MID1: variants seen among roughly 807,000 people sequenced by gnomAD.
MID1 encodes E3 ubiquitin-protein ligase Midline-1.
MID1 carries 7 observed loss-of-function variants against 40.4 expected under a neutral mutation model. The observed-to-expected ratio is 0.17, with a 90% confidence interval of 0.10 to 0.33. MID1 has a LOEUF of 0.33. MID1 is among the 10% of genes least tolerant of loss of function. MID1 has a pLI of 1.00. For missense variants in MID1, 367 were observed against 558.5 expected (o/e 0.66, Z 3.46); for synonymous variants, 229 against 221.2 (o/e 1.04, Z -0.31).
At chrX:10,770,413 C>G (rs2043757866) in intron 1 of MID1, among the ~76,000 whole-genome samples, 1 of 112,042 alleles carries the variant, frequency 8.9e-6, no homozygotes, top group African/African-American at 3.2e-5. Flanking sequence ...TGGGAGGGGA[C>G]TGAGGTCATT....
At chrX:10,619,551 T>C (rs1013697361) in intron 1 of MID1, among the ~76,000 whole-genome samples, 4 of 112,889 alleles carry the variant, frequency 3.5e-5, no homozygotes, top group African/African-American at 1.3e-4. Flanking sequence ...CACTTTTTCT[T>C]TCCTTTTCTT....
At chrX:10,720,761 C>T (rs369693013) in intron 1 of MID1, among the ~76,000 whole-genome samples, 139 of 110,046 alleles carry the variant, frequency 1.3e-3, no homozygotes, top group Middle Eastern at 4.7e-3. Flanking sequence ...ATGTTTATTG[C>T]GGCACTATTC....
chrX:10,469,645 A>C, intron 7 of MID1, 52 bp downstream of exon 7: 1 of 1,210,752 alleles, frequency 8.3e-7, no homozygotes, highest in Non-Finnish European at 1.1e-6. Flanking sequence ...GAATGCAATC[A>C]ATCTGAAGAA....
At chrX:10,491,765 G>A (rs1243345890) in intron 4 of MID1, among the ~76,000 whole-genome samples, 1 of 111,767 alleles carries the variant, frequency 8.9e-6, no homozygotes, top group Non-Finnish European at 1.9e-5. Flanking sequence ...ACAGTGTGTG[G>A]TCTTAGAGGC....
Position 10,459,742 on chromosome X carries a change from G to A in MID1, c.1351C>T (p.His451Tyr). 1 of 1,210,631 alleles carries A rather than the reference G, an allele frequency of 8.3e-7. No homozygotes were observed. Among genetic ancestry groups the A allele is most frequent in the Non-Finnish European group, 1.1e-6 (1 of 894,678 alleles). Residue 451 changes from histidine (H) to tyrosine (Y), a missense_variant, in exon 8 of 10, where the codon CAC becomes TAC. Physicochemically the swap from His to Tyr is moderately conservative, Grantham distance 83. Around this residue, in one of 3 missense-constraint regions of MID1, gnomAD observed 275 missense variants for 383.1 expected, o/e 0.72. Coordinates refer to ENST00000317552, the MANE Select transcript of MID1 (RefSeq NM_000381.4). ...PNIKQNHYTV[H>Y]GLQSGTKYIF... The stretch of plus-strand genomic sequence containing the variant: ...TACTTGGTGCCGCTCTGCAGACCGT[G>A]CACCGTGTAGTGGTTCTGCTTGATG...
At chrX:10,644,656 G>T (rs1936243083) in intron 1 of MID1, among the ~76,000 whole-genome samples, 1 of 111,151 alleles carries the variant, frequency 9.0e-6, no homozygotes, top group African/African-American at 3.3e-5. Context: ...TGAATTCTCT[G>T]GACTTGATCA....
intron 1 of MID1, among the ~76,000 whole-genome samples, chrX:10,764,088 T>G (rs1416436461): frequency 8.9e-6 from 1 of 112,240 alleles, no homozygotes. Context: ...ATGGGTAGAT[T>G]GTAAACATTT....
intron 1 of MID1, among the ~76,000 whole-genome samples, chrX:10,605,742 T>G (rs971604844): frequency 2.7e-5 from 3 of 112,138 alleles, no homozygotes; most frequent in Admixed American, 1.9e-4. Context: ...CATTTCAGTG[T>G]ATTCTTTCTT....
chrX:10,556,168 A>G (rs1431163402), intron 2 of MID1, among the ~76,000 whole-genome samples: 1 of 111,274 alleles, frequency 9.0e-6, no homozygotes, highest in East Asian at 2.8e-4. Flanking sequence ...CATGTCACCC[A>G]TCTTTTCCTC....
chrX:10,649,100 T>C (rs1936291168), intron 1 of MID1, among the ~76,000 whole-genome samples: 1 of 111,926 alleles, frequency 8.9e-6, no homozygotes, highest in East Asian at 2.8e-4. Flanking sequence ...TTAAAATAAG[T>C]ATGGGGAAAT....
At chrX:10,715,071 C>A in intron 1 of MID1, among the ~76,000 whole-genome samples, 1 of 111,823 alleles carries the variant, frequency 8.9e-6, no homozygotes, top group South Asian at 3.7e-4. Context: ...AGGGTGGAGC[C>A]AAGATGGCCA....
intron 1 of MID1, among the ~76,000 whole-genome samples, chrX:10,616,107 G>A (rs1463114590): frequency 8.9e-6 from 1 of 111,782 alleles, no homozygotes; most frequent in Non-Finnish European, 1.9e-5. Context: ...TTCCGACCAC[G>A]GGAACTTCAA....
chrX:10,517,418 G>GT (rs1275544134), intron 3 of MID1, among the ~76,000 whole-genome samples: 1 of 111,996 alleles, frequency 8.9e-6, no homozygotes, highest in Admixed American at 9.5e-5. Context: ...TGCTGTGAAG[G>GT]TTTCCCTTGG....
chrX:10,562,235 C>T (rs956640969), intron 2 of MID1, among the ~76,000 whole-genome samples: 3 of 102,859 alleles, frequency 2.9e-5, no homozygotes, highest in African/African-American at 1.2e-4. Flanking sequence ...GTGGGGCGAG[C>T]GGGGGAGAGC....
intron 1 of MID1, chrX:10,582,777 C>G (rs907949040): frequency 8.9e-6 from 1 of 111,901 alleles, no homozygotes; most frequent in Non-Finnish European, 1.9e-5. Context: ...TCTGCAACTT[C>G]AGCTCTTCAC....
intron 1 of MID1, among the ~76,000 whole-genome samples, chrX:10,719,372 C>T (rs1184350314): frequency 9.2e-6 from 1 of 108,952 alleles, no homozygotes; most frequent in Non-Finnish European, 1.9e-5. Context: ...AATCAATGTG[C>T]AAAAACCACA....
At chrX:10,735,812 C>T (rs923887679) in intron 1 of MID1, among the ~76,000 whole-genome samples, 26 of 111,615 alleles carry the variant, frequency 2.3e-4, no homozygotes, top group African/African-American at 8.1e-4. Context: ...CTCTCAGCCT[C>T]CTGAGTAGCT....
At chrX:10,568,033 G>A (rs982128419) in intron 1 of MID1, among the ~76,000 whole-genome samples, 4 of 111,270 alleles carry the variant, frequency 3.6e-5, no homozygotes, top group Admixed American at 2.9e-4. Context: ...ATAAACTTAC[G>A]TATTAATGTA....
Position 10,512,001 on chromosome X carries a change from C to A in MID1, c.756+11091G>T. On this transcript the variant is annotated intron_variant, in intron 3 of 9. Coordinates refer to ENST00000317552, the MANE Select transcript of MID1 (RefSeq NM_000381.4). ...AAAAGTTTTGGATTTTAGAGCATTT[C>A]GGATTTTGGATTTTCAAATTAGGGT... is the stretch of plus-strand genomic sequence containing the variant. Among the ~76,000 whole-genome samples the A allele has an allele frequency of 2.7e-5, 3 of 112,196 alleles. 1 individual carries two copies. In the Admixed American group the frequency reaches 2.8e-4, roughly 11 times the overall value.
Sources: gnomAD v4.1 joint callset for allele counts (sites outside exome capture counted in the v4.1 genomes callset) on GRCh38, gnomAD v4.1.1 for gene constraint, gnomAD v4.1.1 regional missense constraint, MANE v1.5 for transcripts, NCBI Gene and HGNC (gene_info 2026-07-23, HGNC 2026-07-21) for gene names.